BNIP3: variants seen among roughly 807,000 people sequenced by gnomAD.
BNIP3 encodes BCL2 interacting protein 3, also known as BCL2/adenovirus E1B 19 kDa protein-interacting protein 3.
Under a neutral mutation model 23.9 loss-of-function variants are expected in BNIP3, and 16 were observed. The observed-to-expected ratio is 0.67, with a 90% confidence interval of 0.45 to 1.01. The LOEUF (loss-of-function observed/expected upper bound fraction) is 1.01. BNIP3 is among the 50% of genes least tolerant of loss of function. The probability of loss-of-function intolerance (pLI) is 0.00; values close to 1 mark genes in which losing one functional copy is unlikely to be tolerated. For missense variants in BNIP3, 198 were observed against 248.7 expected (o/e 0.80, Z 1.37); for synonymous variants, 81 against 89.3 (o/e 0.91, Z 0.53).
rs1353084648 is a variant in BNIP3, at chr10:131,970,924, A to C, written c.329T>G (p.Leu110Trp). ...IERRKEVESI[L>W]KKNSDWIWDW... ...CCATATCCAATCTGAGTTTTTCTTC[A>C]AGATGCTTTCAACTTCTTTCCTTCT... The change falls in exon 4 of 6, where the codon TTG (leucine) becomes TGG (tryptophan). Residue 110 changes from leucine to tryptophan, a missense_variant. Leu to Trp is a moderately conservative substitution (Grantham distance 61). Transcript: ENST00000368636. This position sits in a 1 kb window ranked among gnomAD's most constrained non-coding sequence, Gnocchi z 4.1. 1 of 1,614,236 alleles carries C rather than the reference A, an allele frequency of 6.2e-7. No individual in the cohort carries two copies.
rs371648431 is a variant in BNIP3, at chr10:131,970,795, G to A, written c.390-8C>T. The A allele has an allele frequency of 7.4e-6, 12 of 1,614,218 alleles. No homozygotes were observed. Among genetic ancestry groups the A allele is most frequent in the East Asian group, 4.5e-5 (2 of 44,880 alleles). ...TGTTTAAAGAGGAACTCCCTGAGGC[G>A]GGAAGAAACGTGTCAGCTGATGTGT... On this transcript the variant is annotated splice_region_variant and splice_polypyrimidine_tract_variant and intron_variant, in intron 4 of 5. Transcript: ENST00000368636. This position sits in a 1 kb window ranked among gnomAD's most constrained non-coding sequence, Gnocchi z 4.1.
intron 3 of BNIP3, among the ~76,000 whole-genome samples, chr10:131,972,200 T>C (rs2037041309): frequency 6.6e-6 from 1 of 152,130 alleles, no homozygotes; most frequent in Admixed American, 6.5e-5. Flanking sequence ...TAAGACTCAC[T>C]CCGCTTTCAC....
chr10:131,973,648 G>T, intron 2 of BNIP3, 145 bp downstream of exon 2: 1 of 1,107,210 alleles, frequency 9.0e-7, no homozygotes, highest in Non-Finnish European at 1.3e-6. Flanking sequence ...TATAAGGACG[G>T]ACTGCAGCAG....
In BNIP3 at chr10:131,970,985, A is replaced by G. The variant is rs546877230; in HGVS notation, c.283-15T>C. 6 of 1,609,490 alleles carry G rather than the reference A, an allele frequency of 3.7e-6. No homozygotes were observed. Among genetic ancestry groups the G allele is most frequent in the Middle Eastern group, 1.6e-4 (1 of 6,078 alleles). ...TCTTCCTCAGACTAAGATAAAGTCA[A>G]TGTTAAAGGCAGATCAGTGTACCAC... On this transcript the variant is annotated splice_polypyrimidine_tract_variant and intron_variant, in intron 3 of 5. Transcript: ENST00000368636. This position sits in a 1 kb window ranked among gnomAD's most constrained non-coding sequence, Gnocchi z 4.1.
At chr10:131,973,623 A>AG in intron 2 of BNIP3, 170 bp downstream of exon 2, 1 of 820,772 alleles carries the variant, frequency 1.2e-6, no homozygotes. Context: ...ATCCCCAAAG[A>AG]GGGCGAGGCT....
chr10:131,979,304 A>C (rs1447388297), intron 1 of BNIP3, among the ~76,000 whole-genome samples: 2 of 152,308 alleles, frequency 1.3e-5, no homozygotes, highest in South Asian at 2.1e-4. Flanking sequence ...TCCACTCCAA[A>C]ATAAGTAGAA....
chr10:131,981,516 C>G (rs996652858), intron 1 of BNIP3, among the ~76,000 whole-genome samples: 1 of 152,226 alleles, frequency 6.6e-6, no homozygotes, highest in Non-Finnish European at 1.5e-5. Context: ...CGGTCCGACC[C>G]GGGTCCAAGC....
rs372822361 is a variant in BNIP3, at chr10:131,981,864, A to G, written c.-58T>C. On this transcript the variant is annotated 5_prime_UTR_variant, in exon 1 of 6. Transcript: ENST00000368636. ...CGCGCCGGGCTGCGGGATGTGCTTC[A>G]GCTGCGGGCGGTGGGAAAGCGGAGG... 3.9e-4 allele frequency: 536 copies of G among 1,390,446 alleles called. 11 individuals carry two copies. In the South Asian group the frequency reaches 7.9e-3, roughly 20 times the overall value. 86.1% of individuals were successfully genotyped at this position (1,390,446 alleles called of 1,614,324 possible).
chr10:131,979,032 C>T (rs550031351), intron 1 of BNIP3, among the ~76,000 whole-genome samples: 1 of 152,204 alleles, frequency 6.6e-6, no homozygotes, highest in South Asian at 2.1e-4. Flanking sequence ...TTCCCTCCAC[C>T]TTCCTGTTGC....
At chr10:131,975,216 C>T (rs940044847) in intron 1 of BNIP3, among the ~76,000 whole-genome samples, 2 of 152,228 alleles carry the variant, frequency 1.3e-5, no homozygotes, top group Admixed American at 6.5e-5. Context: ...AGACAGCTCC[C>T]GCCTCACTCT....
chr10:131,977,753 C>T (rs1184177907), intron 1 of BNIP3, among the ~76,000 whole-genome samples: 1 of 152,158 alleles, frequency 6.6e-6, no homozygotes, highest in Non-Finnish European at 1.5e-5. Flanking sequence ...TTAAACATCA[C>T]CCCAGAAAGG....
chr10:131,973,210 G>C, intron 2 of BNIP3, 92 bp from the exon 3 acceptor site: 1 of 1,278,832 alleles, frequency 7.8e-7, no homozygotes, highest in Non-Finnish European at 1.1e-6. Context: ...AACCGCCTCC[G>C]TGATGAGGGG....
intron 2 of BNIP3, 75 bp from the exon 3 acceptor site, chr10:131,973,193 G>A: frequency 6.7e-7 from 1 of 1,487,282 alleles, no homozygotes; most frequent in South Asian, 1.1e-5. Flanking sequence ...AAACCCCAAA[G>A]GCAGTGAACC....
Position 131,968,548 on chromosome 10 carries a change from C to G in BNIP3, c.561G>C (p.Leu187=). ...ATCAAAAGGTGCTGGTGGAGGTTGT[C>G]AGACGCCTTCCAATATAGATCCTTC... ...IGLGIYIGRR[L]TTSTSTF is the part of the protein sequence containing the mutation. Residue 187 remains leucine, a synonymous_variant, in exon 6 of 6, where the codon CTG becomes CTC. Transcript: ENST00000368636. The G allele has an allele frequency of 2.5e-6, 4 of 1,601,884 alleles. No individual in the cohort carries two copies. The highest frequency in any genetic ancestry group is 3.4e-6 in the Non-Finnish European group (4 of 1,169,432).
chr10:131,972,466 C>T lies in BNIP3; in HGVS notation c.282+568G>A, dbSNP rs970697576. 2.0e-5 allele frequency among the ~76,000 whole-genome samples: 3 copies of T among 152,308 alleles called. No homozygotes were observed. In the South Asian group the frequency reaches 6.2e-4, roughly 32 times the overall value. On this transcript the variant is annotated intron_variant, in intron 3 of 5. Transcript: ENST00000368636. Reference sequence around the variant, plus strand: ...CCGCTAATGCTACACTGCTCCGGCACCAGTTAGCTCAGGACTAATGCTAGG... The same window carrying T: ...CCGCTAATGCTACACTGCTCCGGCATCAGTTAGCTCAGGACTAATGCTAGG...
In BNIP3 at chr10:131,970,265, AGACCCTCCACCTACAGCAGAGCTGGGT is replaced by A. The variant is rs2037016142; in HGVS notation, c.539+346_539+372del. The A allele has an allele frequency of 4.8e-6, 1 of 207,076 alleles. No homozygotes were observed. Among genetic ancestry groups the A allele is most frequent in the Non-Finnish European group, 9.5e-6 (1 of 104,772 alleles). 12.8% of individuals were successfully genotyped at this position (207,076 alleles called of 1,614,324 possible). On this transcript the variant is annotated intron_variant, in intron 5 of 5. Coordinates refer to ENST00000368636, the MANE Select transcript of BNIP3 (RefSeq NM_004052.4). The surrounding 1 kb of genome is among the most constrained non-coding windows in gnomAD (Gnocchi z 4.1). Reference sequence around the variant, plus strand: ...CTGGAGGAAGTACAGCAGGTAACTGAGACCCTCCACCTACAGCAGAGCTGGGTGCATTCCCGCCACAGTACTACACAG... The same window carrying A: ...CTGGAGGAAGTACAGCAGGTAACTGAGCATTCCCGCCACAGTACTACACAG...
chr10:131,977,623 A>G (rs530659265), intron 1 of BNIP3, among the ~76,000 whole-genome samples: 33 of 152,220 alleles, frequency 2.2e-4, no homozygotes, highest in African/African-American at 6.3e-4. Flanking sequence ...AGCCCCTTAG[A>G]GCACTAATCC....
rs758868945 is a variant in BNIP3 at position 131,970,587 on chromosome 10, G to T, written c.539+51C>A. 1.0e-5 allele frequency: 16 copies of T among 1,594,048 alleles called. No homozygotes were observed. In the East Asian group the frequency reaches 2.5e-4, roughly 25 times the overall value. ...GTTACGAATAAATCACTGCAACCCA[G>T]AATCGCCCCACGACATGCCATGACA... On this transcript the variant is annotated intron_variant, in intron 5 of 5. Transcript: ENST00000368636. This position sits in a 1 kb window ranked among gnomAD's most constrained non-coding sequence, Gnocchi z 4.1.
At chr10:131,973,589 A>ACAGAC in intron 2 of BNIP3, 1 of 646,736 alleles carries the variant, frequency 1.5e-6, no homozygotes, top group Non-Finnish European at 2.6e-6. Context: ...ATGGCTCCCC[A>ACAGAC]CAGACTAAGT....
Sources: allele counts gnomAD v4.1 joint callset (sites outside exome capture counted in the v4.1 genomes callset), GRCh38; gene constraint gnomAD v4.1.1; non-coding constraint Gnocchi (gnomAD v3.1); transcripts MANE v1.5; gene names NCBI Gene and HGNC (gene_info 2026-07-23, HGNC 2026-07-21).